SLC15A5: variants seen among roughly 807,000 people sequenced by gnomAD.
The protein encoded by SLC15A5 is Peptide/histidine transporter ENSP00000340402.
A neutral mutation model predicts 56.1 loss-of-function variants in SLC15A5; 58 were observed. The ratio of observed to expected loss-of-function variants is 1.03; its 90% CI spans 0.84 to 1.29. The LOEUF (loss-of-function observed/expected upper bound fraction) is 1.29. Among genes scored for constraint, SLC15A5 ranks in the 50% most tolerant of loss-of-function variants. The pLI is 0.00. For missense variants in SLC15A5, 681 were observed against 672.1 expected (o/e 1.01, Z -0.15); for synonymous variants, 264 against 250.5 (o/e 1.05, Z -0.51).
At chr12:16,223,715 A>G (rs1864210843) in intron 6 of SLC15A5, among the ~76,000 whole-genome samples, 2 of 126,506 alleles carry the variant, frequency 1.6e-5, no homozygotes, top group African/African-American at 5.4e-5. Flanking sequence ...GAGGAGTATA[A>G]ATGAGCTTTT....
intron 2 of SLC15A5, among the ~76,000 whole-genome samples, chr12:16,262,744 TG>T (rs1864655075): frequency 6.6e-6 from 1 of 152,134 alleles, no homozygotes. Context: ...GATTGAATCA[TG>T]GGGGCGGGTC....
chr12:16,220,509 T>G (rs1766883001), intron 6 of SLC15A5, among the ~76,000 whole-genome samples: 2 of 152,242 alleles, frequency 1.3e-5, no homozygotes, highest in South Asian at 4.1e-4. Flanking sequence ...GCCTTGTACC[T>G]CAGACCAGTG....
At chr12:16,277,220 C>T in intron 1 of SLC15A5, 105 bp downstream of exon 1, 1 of 1,134,626 alleles carries the variant, frequency 8.8e-7, no homozygotes, top group Non-Finnish European at 1.2e-6. Flanking sequence ...CTTCATTTAT[C>T]ACATTTTATG....
At chr12:16,194,102 A>T (rs1393013031) in intron 8 of SLC15A5, among the ~76,000 whole-genome samples, 1 of 152,046 alleles carries the variant, frequency 6.6e-6, no homozygotes, top group African/African-American at 2.4e-5. Flanking sequence ...GATGCTACAT[A>T]GTGGGGAAAA....
chr12:16,259,133 G>C (rs1864613791), intron 2 of SLC15A5, among the ~76,000 whole-genome samples: 1 of 143,024 alleles, frequency 7.0e-6, no homozygotes, highest in South Asian at 2.3e-4. Flanking sequence ...CCAGGCTGAA[G>C]GAATCCTACT....
intron 5 of SLC15A5, among the ~76,000 whole-genome samples, chr12:16,232,167 A>G (rs1864305669): frequency 6.6e-6 from 1 of 152,226 alleles, no homozygotes; most frequent in African/African-American, 2.4e-5. Context: ...AATCAATAAT[A>G]AGTAGCTATG....
intron 5 of SLC15A5, among the ~76,000 whole-genome samples, chr12:16,233,844 G>C (rs1365135747): frequency 6.6e-6 from 1 of 152,168 alleles, no homozygotes; most frequent in Non-Finnish European, 1.5e-5. Context: ...TAGGTCTCTA[G>C]ATGATTCTTA....
intron 1 of SLC15A5, 104 bp downstream of exon 1, chr12:16,277,221 A>G: frequency 8.7e-7 from 1 of 1,143,576 alleles, no homozygotes; most frequent in Non-Finnish European, 1.2e-6. Flanking sequence ...TTCATTTATC[A>G]CATTTTATGC....
Position 16,277,531 on chromosome 12 carries a change from C to T in SLC15A5, c.155G>A (p.Cys52Tyr). 6.5e-7 allele frequency: 1 copy of T among 1,536,498 alleles called. No homozygotes were observed. Among genetic ancestry groups the T allele is most frequent in the Non-Finnish European group, 8.7e-7 (1 of 1,146,398 alleles). Reference sequence around the variant, plus strand: ...GACTTCAAAGAACGTGAACCTCTCACACAGCTCCACCAGAAGCAAGCAGAT... The same window carrying T: ...GACTTCAAAGAACGTGAACCTCTCATACAGCTCCACCAGAAGCAAGCAGAT... ...VGICLLLVEL[C>Y]ERFTFFEVVC... The change falls in exon 1 of 9, where the codon TGT becomes TAT. Residue 52 changes from cysteine (C) to tyrosine (Y), a missense_variant. Physicochemically the swap from Cys to Tyr is radical, Grantham distance 194. Coordinates refer to ENST00000344941, the MANE Select transcript of SLC15A5 (RefSeq NM_001170798.1).
At position 16,189,740 on chromosome 12, in the gene SLC15A5, T is replaced by C. The variant is rs1863822309; in HGVS notation, c.1668A>G (p.Glu556=). The C allele has an allele frequency of 6.5e-7, 1 of 1,530,538 alleles. No individual in the cohort carries two copies. The highest frequency in any genetic ancestry group is 1.2e-5 in the South Asian group (1 of 82,608). The allele number at this position is 1,530,538 out of a possible 1,614,324, so 94.8% of individuals were successfully genotyped here. A position where few individuals can be genotyped will look rare whatever the true frequency, so the allele number is the denominator to read the frequency against. ...TACTGCCATAAAATTTCAGAGATTTTTCGTGGAGGAGAAGTGTTTCTTCAA... is the reference window on the plus strand; with the variant it reads ...TACTGCCATAAAATTTCAGAGATTTCTCGTGGAGGAGAAGTGTTTCTTCAA... ...SNLEETLLLH[E]KSLKFYGSIQ... The change falls in exon 9 of 9, where the codon GAA becomes GAG. Residue 556 remains glutamate, a synonymous_variant. Transcript: ENST00000344941.
chr12:16,251,700 G>A (rs538148229), intron 3 of SLC15A5, among the ~76,000 whole-genome samples: 24 of 151,888 alleles, frequency 1.6e-4, no homozygotes, highest in Admixed American at 4.6e-4. Context: ...ACAAAGAAAA[G>A]CCCAGGACCA....
In SLC15A5 at chr12:16,243,447, A is replaced by G. The variant is rs768824739; in HGVS notation, c.975+1133T>C. ...TGGTTTCGAATTCCCGATCTCAGGT[A>G]ATCTGCCTGCCTCGGCCTCCCAAAG... On this transcript the variant is annotated intron_variant, in intron 4 of 8. Coordinates refer to ENST00000344941, the MANE Select transcript of SLC15A5 (RefSeq NM_001170798.1). The surrounding 1 kb of genome is among the most constrained non-coding windows in gnomAD (Gnocchi z 4.4). 9.2e-5 allele frequency among the ~76,000 whole-genome samples: 14 copies of G among 152,122 alleles called. No homozygotes were observed. Among genetic ancestry groups the G allele is most frequent in the Non-Finnish European group, 1.6e-4 (11 of 68,012 alleles).
chr12:16,256,244 T>C (rs1291230632), intron 3 of SLC15A5, among the ~76,000 whole-genome samples: 2 of 152,332 alleles, frequency 1.3e-5, no homozygotes, highest in African/African-American at 4.8e-5. Flanking sequence ...AGGAGATACC[T>C]GTCTTTATGA....
chr12:16,222,872 G>A (rs988659330), intron 6 of SLC15A5, among the ~76,000 whole-genome samples: 7 of 152,092 alleles, frequency 4.6e-5, no homozygotes, highest in Non-Finnish European at 8.8e-5. Flanking sequence ...ACATTTTTGG[G>A]AATAACATCA....
intron 4 of SLC15A5, among the ~76,000 whole-genome samples, chr12:16,241,861 A>G (rs945559488): frequency 2.6e-5 from 4 of 152,206 alleles, no homozygotes; most frequent in African/African-American, 4.8e-5. Flanking sequence ...TGTACTATTA[A>G]TCTTTAGTGA....
intron 3 of SLC15A5, 31 bp downstream of exon 3, chr12:16,257,670 C>A: frequency 7.2e-7 from 1 of 1,380,212 alleles, no homozygotes; most frequent in South Asian, 1.7e-5. Context: ...AATATAAACC[C>A]AGAAATCAAT....
chr12:16,205,236 A>G (rs1342952235), intron 7 of SLC15A5, among the ~76,000 whole-genome samples: 1 of 151,948 alleles, frequency 6.6e-6, no homozygotes, highest in African/African-American at 2.4e-5. Context: ...TTTCCAGTCA[A>G]ATAGACAAAG....
intron 2 of SLC15A5, among the ~76,000 whole-genome samples, chr12:16,260,276 C>T (rs1298381735): frequency 6.6e-6 from 1 of 152,214 alleles, no homozygotes; most frequent in East Asian, 1.9e-4. Context: ...TAGGTTTTTC[C>T]ATAGCCCCAC....
chr12:16,229,459 C>T (rs1000703899), intron 5 of SLC15A5, among the ~76,000 whole-genome samples: 124 of 152,126 alleles, frequency 8.2e-4, no homozygotes, highest in African/African-American at 2.9e-3. Flanking sequence ...AATTAGATCC[C>T]ATAACATCCA....
Sources: gnomAD v4.1 joint callset for allele counts (sites outside exome capture counted in the v4.1 genomes callset) on GRCh38, gnomAD v4.1.1 for gene constraint, Gnocchi (gnomAD v3.1) non-coding constraint, MANE v1.5 for transcripts, NCBI Gene and HGNC (gene_info 2026-07-23, HGNC 2026-07-21) for gene names.